Variants in PRIM2 observed in about 807,000 individuals in gnomAD.
PRIM2 encodes the protein DNA primase subunit 2, also known as DNA primase large subunit.
In PRIM2, 39 loss-of-function variants were observed where a neutral mutation model predicts 67.3. The ratio of observed to expected loss-of-function variants is 0.58; its 90% CI spans 0.45 to 0.76. The LOEUF is 0.76. PRIM2 is among the 30% of genes least tolerant of loss of function. The pLI is 0.00. For synonymous variants in PRIM2, 143 were observed against 198.7 expected (o/e 0.72, Z 2.36); for missense variants, 398 against 598.7 (o/e 0.66, Z 3.50).
intron 10 of PRIM2, among the ~76,000 whole-genome samples, chr6:57,556,062 C>T (rs1371711685): frequency 2.0e-5 from 3 of 152,202 alleles, no homozygotes; most frequent in African/African-American, 7.2e-5. Flanking sequence ...ATAAGAATAA[C>T]ATACTTAGGA....
At chr6:57,373,987 G>A (rs1328659713) in intron 5 of PRIM2, among the ~76,000 whole-genome samples, 4 of 152,248 alleles carry the variant, frequency 2.6e-5, no homozygotes, top group African/African-American at 4.8e-5. Context: ...TGTGAAGAAC[G>A]TCAGTGGTAG....
chr6:57,320,445 TC>T lies in PRIM2; in HGVS notation c.155-11del, dbSNP rs1334892996. On this transcript the variant is annotated splice_polypyrimidine_tract_variant and intron_variant, in intron 2 of 13. Coordinates refer to ENST00000615550, the MANE Select transcript of PRIM2 (RefSeq NM_000947.5). ...CATTATCTTGCATTTATACCTTTTT[TC>T]TTTTTTTTAGTGTTAAAATCAGTTG... 1 of 1,544,686 alleles carries T rather than the reference TC, an allele frequency of 6.5e-7. No individual in the cohort carries two copies. Among genetic ancestry groups the T allele is most frequent in the African/African-American group, 1.4e-5 (1 of 72,542 alleles).
At chr6:57,457,606 T>C (rs77761018) in intron 7 of PRIM2, among the ~76,000 whole-genome samples, 1 of 152,308 alleles carries the variant, frequency 6.6e-6, no homozygotes, top group African/African-American at 2.4e-5. Flanking sequence ...ATATAATCTC[T>C]TGGTGTGCCA....
chr6:57,514,721 T>C (rs1774445760), intron 8 of PRIM2, among the ~76,000 whole-genome samples: 1 of 152,130 alleles, frequency 6.6e-6, no homozygotes, highest in Non-Finnish European at 1.5e-5. Context: ...GTCAGCATTT[T>C]GTTAGAATCA....
the PRIM2 span, among the ~76,000 whole-genome samples, chr6:57,269,790 C>T: frequency 1.3e-5 from 2 of 152,216 alleles, no homozygotes; most frequent in African/African-American, 4.8e-5. Flanking sequence ...TTTAATCCAT[C>T]TTGAATTAAT....
intron 7 of PRIM2, among the ~76,000 whole-genome samples, chr6:57,473,166 G>A (rs1773378178): frequency 1.3e-5 from 2 of 152,180 alleles, no homozygotes; most frequent in South Asian, 2.1e-4. Flanking sequence ...ATCTCATCAA[G>A]GGTACTTCAT....
intron 8 of PRIM2, among the ~76,000 whole-genome samples, chr6:57,518,324 A>G (rs1554348479): frequency 6.6e-6 from 1 of 152,214 alleles, no homozygotes; most frequent in African/African-American, 2.4e-5. Context: ...TTAATCATCC[A>G]ATGTAAAGTC....
intron 7 of PRIM2, among the ~76,000 whole-genome samples, chr6:57,495,397 A>G (rs1773980673): frequency 6.6e-6 from 1 of 152,254 alleles, no homozygotes; most frequent in Admixed American, 6.5e-5. Context: ...GGAAGACATC[A>G]TTGTGCTCTA....
At chr6:57,469,213 C>T (rs1186837512) in intron 7 of PRIM2, among the ~76,000 whole-genome samples, 1 of 152,250 alleles carries the variant, frequency 6.6e-6, no homozygotes, top group Non-Finnish European at 1.5e-5. Flanking sequence ...GAGTTTCCCT[C>T]TGGAACTCTC....
At chr6:57,397,362 T>C (rs1258256112) in intron 7 of PRIM2, among the ~76,000 whole-genome samples, 4 of 152,180 alleles carry the variant, frequency 2.6e-5, no homozygotes, top group Non-Finnish European at 5.9e-5. Context: ...TTGTTCATAT[T>C]TTCATATTCT....
At chr6:57,605,175 G>T (rs1776537933) in intron 11 of PRIM2, among the ~76,000 whole-genome samples, 1 of 152,168 alleles carries the variant, frequency 6.6e-6, no homozygotes, top group African/African-American at 2.4e-5. Flanking sequence ...CAGTTTGCTA[G>T]TATTTTGTTG....
At chr6:57,450,458 C>T (rs1772506541) in intron 7 of PRIM2, among the ~76,000 whole-genome samples, 1 of 152,196 alleles carries the variant, frequency 6.6e-6, no homozygotes. Context: ...ATAATGCCAA[C>T]ATAGTGCCAA....
At chr6:57,282,167 C>T in the PRIM2 span, among the ~76,000 whole-genome samples, 6 of 152,294 alleles carry the variant, frequency 3.9e-5, no homozygotes, top group South Asian at 6.2e-4. Flanking sequence ...TTTTCATCCT[C>T]TGTCATTTGC....
the PRIM2 span, among the ~76,000 whole-genome samples, chr6:57,233,154 A>G: frequency 1.5e-4 from 23 of 152,354 alleles, no homozygotes; most frequent in Non-Finnish European, 2.6e-4. Context: ...TATCTCCAGC[A>G]AGAATTTCAG....
At chr6:57,279,998 G>C in the PRIM2 span, among the ~76,000 whole-genome samples, 2 of 152,108 alleles carry the variant, frequency 1.3e-5, no homozygotes, top group African/African-American at 4.8e-5. Flanking sequence ...GAAGGGAAGA[G>C]GACAAGAGAT....
chr6:57,619,664 G>T (rs1162702899), intron 12 of PRIM2, among the ~76,000 whole-genome samples: 2 of 152,046 alleles, frequency 1.3e-5, no homozygotes, highest in African/African-American at 4.8e-5. Context: ...GTAGAAGAAA[G>T]AAATTCAGAG....
chr6:57,342,474 A>G (rs1768526500), intron 5 of PRIM2, among the ~76,000 whole-genome samples: 2 of 152,200 alleles, frequency 1.3e-5, no homozygotes, highest in Non-Finnish European at 2.9e-5. Flanking sequence ...GGCAGCTGTC[A>G]GCCTTACAGA....
chr6:57,391,076 A>G (rs1770328387), intron 7 of PRIM2, among the ~76,000 whole-genome samples: 1 of 150,216 alleles, frequency 6.7e-6, no homozygotes, highest in Non-Finnish European at 1.5e-5. Context: ...AGTAATAGCC[A>G]TTCTGACTGG....
At chr6:57,543,970 G>C (rs1159294614) in intron 10 of PRIM2, among the ~76,000 whole-genome samples, 1 of 152,156 alleles carries the variant, frequency 6.6e-6, no homozygotes. Context: ...TTTTTGAGTA[G>C]TAATAATGGA....
Sources: gnomAD v4.1 joint callset for allele counts (sites outside exome capture counted in the v4.1 genomes callset) on GRCh38, gnomAD v4.1.1 for gene constraint, MANE v1.5 for transcripts, NCBI Gene and HGNC (gene_info 2026-07-23, HGNC 2026-07-21) for gene names.